The following NMNAT2 variants were observed in gnomAD, a reference collection of about 807,000 sequenced individuals.
The protein encoded by NMNAT2 is nicotinamide nucleotide adenylyltransferase 2.
NMNAT2 carries 11 observed loss-of-function variants against 41.6 expected under a neutral mutation model. The observed-to-expected ratio is 0.26, with a 90% CI of 0.17 to 0.44. NMNAT2 has a LOEUF of 0.44. NMNAT2 is among the 20% of genes least tolerant of loss of function. The pLI is 1.00. For synonymous variants in NMNAT2, 148 were observed against 151.2 expected (o/e 0.98, Z 0.16); for missense variants, 288 against 407.7 (o/e 0.71, Z 2.53).
chr1:183,302,470 CTGTATTTTGA>C, intron 1 of NMNAT2, among the ~76,000 whole-genome samples: 2 of 152,244 alleles, frequency 1.3e-5, no homozygotes, highest in East Asian at 3.9e-4. Flanking sequence ...TTTTTATTTT[CTGTATTTTGA>C]TGTTTGACAT....
intron 1 of NMNAT2, among the ~76,000 whole-genome samples, chr1:183,397,895 G>A (rs1157451015): frequency 6.6e-6 from 1 of 152,106 alleles, no homozygotes; most frequent in Non-Finnish European, 1.5e-5. Context: ...TGCCCTAAAA[G>A]AGCTCCTGAA....
chr1:183,403,924 C>T (rs975237381), intron 1 of NMNAT2, among the ~76,000 whole-genome samples: 9 of 152,088 alleles, frequency 5.9e-5, no homozygotes, highest in African/African-American at 2.2e-4. Flanking sequence ...AGGGGACAAC[C>T]TTGTCACCAA....
intron 1 of NMNAT2, among the ~76,000 whole-genome samples, chr1:183,390,956 A>T (rs1396465981): frequency 2.6e-5 from 4 of 152,206 alleles, no homozygotes; most frequent in Non-Finnish European, 5.9e-5. Context: ...ACTTATGCCT[A>T]AAAATTAACA....
intron 1 of NMNAT2, among the ~76,000 whole-genome samples, chr1:183,321,203 T>C (rs932247935): frequency 1.3e-5 from 2 of 152,224 alleles, no homozygotes; most frequent in Non-Finnish European, 1.5e-5. Context: ...CTCAATTTCA[T>C]AAACGTCTTT....
At chr1:183,319,614 C>T (rs570084314) in intron 1 of NMNAT2, among the ~76,000 whole-genome samples, 3 of 152,188 alleles carry the variant, frequency 2.0e-5, no homozygotes, top group African/African-American at 4.8e-5. Context: ...TTTCTTCCCT[C>T]CTTCCTTTCT....
chr1:183,380,390 G>C (rs1285468494), intron 1 of NMNAT2, among the ~76,000 whole-genome samples: 2 of 151,718 alleles, frequency 1.3e-5, no homozygotes. Context: ...ATTTTATTGA[G>C]GCATGATTTG....
At chr1:183,354,306 G>A (rs1023726610) in intron 1 of NMNAT2, among the ~76,000 whole-genome samples, 3 of 151,866 alleles carry the variant, frequency 2.0e-5, no homozygotes, top group African/African-American at 7.3e-5. Flanking sequence ...GATAAAAACT[G>A]TCAGTGGATA....
chr1:183,257,337 A>C (rs1007624840), intron 10 of NMNAT2, among the ~76,000 whole-genome samples: 2 of 152,018 alleles, frequency 1.3e-5, no homozygotes, highest in Admixed American at 1.3e-4. Flanking sequence ...GCTACTTGGG[A>C]GGCTGAGGCA....
rs781117398 is a variant in NMNAT2, at chr1:183,261,072, G to A, written c.754-3C>T. On this transcript the variant is annotated splice_polypyrimidine_tract_variant and splice_region_variant and intron_variant, in intron 9 of 10. Transcript: ENST00000287713. Reference sequence around the variant, plus strand: ...TCCTTCACCACCATGATGTTGTTCTGAGGACAGAGCAGACAGAGTCAGTTG... The same window carrying A: ...TCCTTCACCACCATGATGTTGTTCTAAGGACAGAGCAGACAGAGTCAGTTG... 1 of 1,613,666 alleles carries A rather than the reference G, an allele frequency of 6.2e-7. No individual in the cohort carries two copies. The highest frequency in any genetic ancestry group is 8.5e-7 in the Non-Finnish European group (1 of 1,179,642).
At chr1:183,343,035 C>G (rs1662853396) in intron 1 of NMNAT2, among the ~76,000 whole-genome samples, 1 of 152,074 alleles carries the variant, frequency 6.6e-6, no homozygotes, top group Non-Finnish European at 1.5e-5. Flanking sequence ...ATTACACCAT[C>G]CAGCCTCAAA....
chr1:183,383,440 C>G (rs183205975), intron 1 of NMNAT2, among the ~76,000 whole-genome samples: 1 of 152,216 alleles, frequency 6.6e-6, no homozygotes, highest in Non-Finnish European at 1.5e-5. Context: ...GAATTCCTCC[C>G]CCCAAAATGG....
At chr1:183,397,305 G>A (rs760813665) in intron 1 of NMNAT2, among the ~76,000 whole-genome samples, 4 of 152,028 alleles carry the variant, frequency 2.6e-5, no homozygotes, top group African/African-American at 9.7e-5. Context: ...GTTACCTAAC[G>A]GGTATCAGTG....
chr1:183,342,014 TTCC>T (rs1176480027), intron 1 of NMNAT2, among the ~76,000 whole-genome samples: 24 of 136,278 alleles, frequency 1.8e-4, no homozygotes, highest in Admixed American at 1.6e-3. Context: ...TTTATCTTCC[TTCC>T]TCACCTTTTT....
chr1:183,252,331 C>T lies in NMNAT2; in HGVS notation c.*310G>A, dbSNP rs1436359631. On this transcript the variant is annotated 3_prime_UTR_variant, in exon 11 of 11. Coordinates refer to ENST00000287713, the MANE Select transcript of NMNAT2 (RefSeq NM_015039.4). ...CCCCAGAGCGTGCTGGGAGGATGGG[C>T]ACCAGAGCCGCCTCTCTAGAGCATG... 4 of 333,688 alleles carry T rather than the reference C, an allele frequency of 1.2e-5. No homozygotes were observed. Among genetic ancestry groups the T allele is most frequent in the African/African-American group, 8.6e-5 (4 of 46,560 alleles). The allele number at this position is 333,688 out of a possible 1,614,324, so 20.7% of individuals were successfully genotyped here.
intron 1 of NMNAT2, among the ~76,000 whole-genome samples, chr1:183,390,643 C>T (rs1216454837): frequency 1.3e-5 from 2 of 152,142 alleles, no homozygotes; most frequent in Non-Finnish European, 2.9e-5. Flanking sequence ...CTTCGGATGC[C>T]TGGTGAGATA....
chr1:183,374,411 T>A (rs1663628501), intron 1 of NMNAT2, among the ~76,000 whole-genome samples: 1 of 152,158 alleles, frequency 6.6e-6, no homozygotes, highest in African/African-American at 2.4e-5. Flanking sequence ...CTCTCCCCAC[T>A]TATGGGGGAT....
chr1:183,369,864 G>A (rs1426833247), intron 1 of NMNAT2, among the ~76,000 whole-genome samples: 1 of 151,994 alleles, frequency 6.6e-6, no homozygotes, highest in Non-Finnish European at 1.5e-5. Context: ...GAATGAGAAT[G>A]GCACTCTTCT....
intron 1 of NMNAT2, among the ~76,000 whole-genome samples, chr1:183,333,388 G>C (rs1289574373): frequency 1.3e-5 from 2 of 152,214 alleles, no homozygotes; most frequent in Non-Finnish European, 2.9e-5. Flanking sequence ...GGACTTTACA[G>C]ATGTGATTCA....
chr1:183,358,721 A>C (rs911072126), intron 1 of NMNAT2, among the ~76,000 whole-genome samples: 1 of 152,218 alleles, frequency 6.6e-6, no homozygotes, highest in Admixed American at 6.5e-5. Context: ...TTTCCTAAAC[A>C]TACTGAGTCC....
Sources: allele counts gnomAD v4.1 joint callset (sites outside exome capture counted in the v4.1 genomes callset), GRCh38; gene constraint gnomAD v4.1.1; transcripts MANE v1.5; gene names NCBI Gene and HGNC (gene_info 2026-07-23, HGNC 2026-07-21).